Variants in PTGES3 observed in about 807,000 individuals in gnomAD.
The protein encoded by PTGES3 is prostaglandin E synthase 3.
A neutral mutation model predicts 29.9 loss-of-function variants in PTGES3; 5 were observed. The ratio of observed to expected loss-of-function variants is 0.17; its 90% confidence interval spans 0.09 to 0.35. PTGES3 has a LOEUF of 0.35. Among genes scored for constraint, PTGES3 ranks in the 10% least tolerant of loss-of-function variants. PTGES3 has a pLI of 1.00. For synonymous variants in PTGES3, 49 were observed against 57.8 expected (o/e 0.85, Z 0.69); for missense variants, 128 against 190.0 (o/e 0.67, Z 1.92).
At chr12:56,686,975 T>C (rs1952894444) in intron 1 of PTGES3, 1 of 363,394 alleles carries the variant, frequency 2.8e-6, no homozygotes, top group African/African-American at 2.4e-5. Context: ...TTTTAGGACG[T>C]AGTTAGTACC....
intron 1 of PTGES3, among the ~76,000 whole-genome samples, chr12:56,674,282 G>A (rs1952128303): frequency 1.3e-5 from 2 of 151,890 alleles, no homozygotes; most frequent in Admixed American, 6.5e-5. Context: ...ACCAAGGAAA[G>A]GCCTCAGAAG....
At chr12:56,678,365 C>A (rs1304967150) in intron 1 of PTGES3, among the ~76,000 whole-genome samples, 1 of 151,972 alleles carries the variant, frequency 6.6e-6, no homozygotes, top group Non-Finnish European at 1.5e-5. Context: ...TTAGTAGAGG[C>A]AGGTTTTCAC....
chr12:56,685,355 A>T (rs995476539), intron 1 of PTGES3, among the ~76,000 whole-genome samples: 13 of 151,076 alleles, frequency 8.6e-5, no homozygotes, highest in African/African-American at 3.2e-4. Flanking sequence ...ACACTCTTCA[A>T]GTGGCATTGA....
At chr12:56,684,899 G>A (rs954964511) in intron 1 of PTGES3, among the ~76,000 whole-genome samples, 2 of 152,116 alleles carry the variant, frequency 1.3e-5, no homozygotes, top group South Asian at 2.1e-4. Flanking sequence ...TAAATCAAAT[G>A]AGAAAACACA....
chr12:56,667,965 G>A (rs191203990), intron 5 of PTGES3, among the ~76,000 whole-genome samples: 375 of 152,242 alleles, frequency 2.5e-3, no homozygotes, highest in African/African-American at 8.7e-3. Flanking sequence ...AAAATTAGCC[G>A]GGCATGGTGG....
chr12:56,687,273 A>G, intron 1 of PTGES3: 3 of 999,810 alleles, frequency 3.0e-6, no homozygotes, highest in Non-Finnish European at 3.6e-6. Context: ...TGAAACACAG[A>G]AAATGTCCGT....
rs200464492 is a variant in PTGES3 at position 56,677,666 on chromosome 12, A to AT, written c.3-4602dup. 7.2e-3 allele frequency among the ~76,000 whole-genome samples: 1,079 copies of AT among 150,362 alleles called. 1 individual carries two copies. The highest frequency in any genetic ancestry group is 9.2e-3 in the Non-Finnish European group (621 of 67,530). On this transcript the variant is annotated intron_variant, in intron 1 of 7. Transcript: ENST00000262033. The stretch of plus-strand genomic sequence containing the variant: ...CTCCTTGTTCCCCATTATTATTATT[A>AT]TTTTTTTTTGGTGGGGTGGGTACCT...
chr12:56,687,604 A>C, intron 1 of PTGES3: 1 of 1,085,674 alleles, frequency 9.2e-7, no homozygotes, highest in Non-Finnish European at 1.1e-6. Context: ...CCGGGACCAC[A>C]AAGCAACAGA....
intron 1 of PTGES3, chr12:56,687,455 T>C (rs577469356): frequency 3.0e-6 from 3 of 988,936 alleles, no homozygotes; most frequent in East Asian, 2.2e-4. Flanking sequence ...GGGAAGTATG[T>C]TGCGGCGTGG....
intron 5 of PTGES3, among the ~76,000 whole-genome samples, chr12:56,669,281 C>T (rs1951905750): frequency 6.6e-6 from 1 of 152,142 alleles, no homozygotes; most frequent in Admixed American, 6.5e-5. Context: ...CAACCTCCAC[C>T]TCCCGGGTTC....
chr12:56,683,110 G>C (rs118123972), intron 1 of PTGES3, among the ~76,000 whole-genome samples: 1 of 152,032 alleles, frequency 6.6e-6, no homozygotes, highest in Non-Finnish European at 1.5e-5. Context: ...AGCACTCTAG[G>C]AGTCTGAGGC....
intron 6 of PTGES3, 33 bp from the exon 7 acceptor site, chr12:56,664,833 T>A (rs1194558050): frequency 6.3e-7 from 1 of 1,592,494 alleles, no homozygotes; most frequent in African/African-American, 1.4e-5. Flanking sequence ...ACCGAGCTGA[T>A]CAAATATTCG....
chr12:56,670,373 C>A lies in PTGES3; in HGVS notation c.286-9G>T. The A allele has an allele frequency of 6.3e-7, 1 of 1,581,476 alleles. No homozygotes were observed. The highest frequency in any genetic ancestry group is 1.3e-5 in the African/African-American group (1 of 74,356). On this transcript the variant is annotated splice_polypyrimidine_tract_variant and intron_variant, in intron 4 of 7. Transcript: ENST00000262033. ...ACACTAAGCCAATTAAGCTATAAAT[C>A]AATACAAATATCACCCTAAGATTAG...
chr12:56,680,286 A>G (rs1405290043), intron 1 of PTGES3, among the ~76,000 whole-genome samples: 1 of 151,930 alleles, frequency 6.6e-6, no homozygotes, highest in East Asian at 1.9e-4. Context: ...AATATTGGCC[A>G]GGCTGGTCTC....
chr12:56,676,331 C>T (rs558722904), intron 1 of PTGES3, among the ~76,000 whole-genome samples: 3 of 151,700 alleles, frequency 2.0e-5, no homozygotes, highest in East Asian at 1.9e-4. Flanking sequence ...ATTTCTCCAG[C>T]GGTCCTTTTA....
intron 1 of PTGES3, among the ~76,000 whole-genome samples, chr12:56,684,717 C>A (rs1952742731): frequency 3.3e-5 from 5 of 152,018 alleles, no homozygotes; most frequent in African/African-American, 1.2e-4. Context: ...GAAGTAGCAC[C>A]CTCTGGCAAG....
chr12:56,687,534 G>A (rs1387549393), intron 1 of PTGES3: 13 of 1,006,344 alleles, frequency 1.3e-5, no homozygotes, highest in Non-Finnish European at 1.5e-5. Context: ...GGCTCTCCCA[G>A]GAGCTCCGCC....
intron 1 of PTGES3, among the ~76,000 whole-genome samples, chr12:56,683,686 G>T (rs539697618): frequency 1.3e-5 from 2 of 150,064 alleles, no homozygotes; most frequent in Non-Finnish European, 3.0e-5. Flanking sequence ...TGGGCCGGGC[G>T]CGGTGGCTCA....
intron 4 of PTGES3, 111 bp downstream of exon 4, chr12:56,671,638 T>C (rs755884676): frequency 1.2e-5 from 7 of 571,510 alleles, no homozygotes; most frequent in Non-Finnish European, 2.1e-5. Flanking sequence ...TGAGGCTTTA[T>C]ACTTAGCTGT....
Sources: allele counts gnomAD v4.1 joint callset (sites outside exome capture counted in the v4.1 genomes callset), GRCh38; gene constraint gnomAD v4.1.1; transcripts MANE v1.5; gene names NCBI Gene and HGNC (gene_info 2026-07-23, HGNC 2026-07-21).